The following NDRG1 variants were observed in gnomAD, a reference collection of about 807,000 sequenced individuals.
NDRG1 encodes the protein protein NDRG1.
NDRG1 carries 32 observed loss-of-function variants against 56.9 expected under a neutral mutation model. That is an observed-to-expected ratio of 0.56 (90% confidence interval 0.42 to 0.76). The LOEUF is 0.76. Among genes scored for constraint, NDRG1 ranks in the 30% least tolerant of loss-of-function variants. NDRG1 has a pLI of 0.00. For synonymous variants in NDRG1, 211 were observed against 204.1 expected, an observed-to-expected ratio of 1.03 and a Z score of -0.29; for missense variants, 507 against 545.7, an observed-to-expected ratio of 0.93 and a Z score of 0.71.
At chr8:133,252,991 T>A (rs1038549713) in intron 9 of NDRG1, among the ~76,000 whole-genome samples, 2 of 152,226 alleles carry the variant, frequency 1.3e-5, no homozygotes, top group African/African-American at 4.8e-5. Context: ...GGAGGCTGTG[T>A]CCCCAGGACT....
chr8:133,279,941 A>G (rs952884639), intron 3 of NDRG1, among the ~76,000 whole-genome samples: 4 of 151,900 alleles, frequency 2.6e-5, no homozygotes, highest in Non-Finnish European at 5.9e-5. Flanking sequence ...CCAGCATCAC[A>G]CCATTTTCCC....
At chr8:133,277,210 G>A (rs1208282151) in intron 3 of NDRG1, among the ~76,000 whole-genome samples, 1 of 152,144 alleles carries the variant, frequency 6.6e-6, no homozygotes, top group African/African-American at 2.4e-5. Context: ...GAAAATAGAA[G>A]GATGACTGCC....
chr8:133,281,445 G>T (rs1043869769), intron 2 of NDRG1, among the ~76,000 whole-genome samples: 5 of 152,082 alleles, frequency 3.3e-5, no homozygotes, highest in Non-Finnish European at 7.4e-5. Flanking sequence ...GGAAGACAGA[G>T]AAAAGTCTTG....
chr8:133,269,335 A>G (rs956882881), intron 3 of NDRG1, among the ~76,000 whole-genome samples: 1 of 152,200 alleles, frequency 6.6e-6, no homozygotes, highest in Non-Finnish European at 1.5e-5. Flanking sequence ...GGCCTGATCC[A>G]GACAAGAGGA....
chr8:133,280,651 G>T (rs1857743965), intron 2 of NDRG1, among the ~76,000 whole-genome samples: 1 of 152,048 alleles, frequency 6.6e-6, no homozygotes, highest in Admixed American at 6.5e-5. Context: ...AGCCAGGATG[G>T]TCTCGATTTC....
At chr8:133,286,822 C>A (rs905964090) in intron 1 of NDRG1, among the ~76,000 whole-genome samples, 10 of 152,206 alleles carry the variant, frequency 6.6e-5, no homozygotes, top group African/African-American at 2.2e-4. Context: ...ACTCTGAAGT[C>A]TGCCGGGAGA....
chr8:133,258,806 G>C (rs1856518164), intron 6 of NDRG1, among the ~76,000 whole-genome samples: 1 of 152,192 alleles, frequency 6.6e-6, no homozygotes, highest in Non-Finnish European at 1.5e-5. Flanking sequence ...AAGACAGAGA[G>C]GAACACTGGA....
chr8:133,267,114 A>G (rs912786061), intron 3 of NDRG1, among the ~76,000 whole-genome samples: 1 of 152,172 alleles, frequency 6.6e-6, no homozygotes, highest in South Asian at 2.1e-4. Context: ...CCAGGCCACC[A>G]TCGTGCTTCT....
chr8:133,284,011 T>C (rs1195347572), intron 2 of NDRG1, among the ~76,000 whole-genome samples: 1 of 152,238 alleles, frequency 6.6e-6, no homozygotes, highest in Non-Finnish European at 1.5e-5. Flanking sequence ...AACCAGAGCC[T>C]CTCACAACTT....
Position 133,238,859 on chromosome 8 carries a change from C to A in NDRG1, c.*19G>T, listed in dbSNP as rs758152678. Reference sequence around the variant, plus strand: ...CACTACAGAGATCAGAGTCCGGGGGCGGCAGCTGGGCAGGCCGCCTAGCAG... The same window carrying A: ...CACTACAGAGATCAGAGTCCGGGGGAGGCAGCTGGGCAGGCCGCCTAGCAG... On this transcript the variant is annotated 3_prime_UTR_variant, in exon 16 of 16. Transcript: ENST00000323851. The A allele has an allele frequency of 1.3e-6, 2 of 1,546,476 alleles. No homozygotes were observed. The highest frequency in any genetic ancestry group is 4.8e-5 in the East Asian group (2 of 41,412).
At chr8:133,294,902 C>G (rs1359021424) in intron 1 of NDRG1, among the ~76,000 whole-genome samples, 1 of 152,222 alleles carries the variant, frequency 6.6e-6, no homozygotes, top group Non-Finnish European at 1.5e-5. Context: ...GCCAGGAACC[C>G]TTTCCACTGC....
intron 8 of NDRG1, chr8:133,255,443 T>G: frequency 2.2e-6 from 1 of 455,788 alleles, no homozygotes; most frequent in South Asian, 1.6e-5. Context: ...ATTAAAGCTG[T>G]ACTGAAGGGA....
At chr8:133,269,374 C>T (rs1586461349) in intron 3 of NDRG1, among the ~76,000 whole-genome samples, 1 of 152,236 alleles carries the variant, frequency 6.6e-6, no homozygotes, top group Non-Finnish European at 1.5e-5. Flanking sequence ...GCTGCACACA[C>T]TTTCCTCTCA....
Position 133,247,883 on chromosome 8 carries a change from C to G in NDRG1, c.799G>C (p.Asp267His). 1 of 1,614,114 alleles carries G rather than the reference C, an allele frequency of 6.2e-7. No homozygotes were observed. The highest frequency in any genetic ancestry group is 2.2e-5 in the East Asian group (1 of 44,878). ...CTGTGATTTCTACATACCACGGCAT[C>G]CACTGCAGGCGAGCTGTCCCCAACC... ...LVVGDSSPAVDAVVECNSKLD... is the reference protein window; with the variant it reads ...LVVGDSSPAVHAVVECNSKLD... Residue 267 changes from aspartate to histidine, a missense_variant, in exon 12 of 16, where the codon GAT (aspartate) becomes CAT (histidine). Coordinates refer to ENST00000323851, the MANE Select transcript of NDRG1 (RefSeq NM_006096.4).
chr8:133,244,283 T>C, intron 14 of NDRG1, 72 bp downstream of exon 14: 1 of 1,558,800 alleles, frequency 6.4e-7, no homozygotes, highest in Non-Finnish European at 8.8e-7. Flanking sequence ...GGAACAGGTG[T>C]CACAGAGGCA....
intron 13 of NDRG1, 55 bp from the exon 14 acceptor site, chr8:133,244,445 C>A: frequency 6.2e-7 from 1 of 1,609,972 alleles, no homozygotes; most frequent in Non-Finnish European, 8.5e-7. Flanking sequence ...GCCCTCTGCG[C>A]TCTATGAATT....
At chr8:133,240,980 T>G (rs1855347881) in intron 15 of NDRG1, 1 of 152,298 alleles carries the variant, frequency 6.6e-6, no homozygotes, top group East Asian at 1.9e-4. Context: ...CACCTGGGGA[T>G]GTGGATCCTG....
intron 2 of NDRG1, among the ~76,000 whole-genome samples, chr8:133,283,904 G>A (rs561971709): frequency 6.4e-4 from 98 of 152,304 alleles, no homozygotes; most frequent in African/African-American, 2.3e-3. Flanking sequence ...CGGGAAAGCT[G>A]AGAGAACCTC....
intron 6 of NDRG1, 39 bp from the exon 7 acceptor site, chr8:133,258,465 G>T: frequency 1.3e-6 from 2 of 1,584,384 alleles, no homozygotes; most frequent in Non-Finnish European, 1.7e-6. Flanking sequence ...CACAAGGACA[G>T]AGTGACGGGA....
Sources: allele counts gnomAD v4.1 joint callset (sites outside exome capture counted in the v4.1 genomes callset), GRCh38; gene constraint gnomAD v4.1.1; transcripts MANE v1.5; gene names NCBI Gene and HGNC (gene_info 2026-07-23, HGNC 2026-07-21).